Variants in TAF1 observed in about 807,000 individuals in gnomAD.
The protein encoded by TAF1 is TATA-box binding protein associated factor 1, also known as transcription initiation factor TFIID subunit 1.
In TAF1, 2 loss-of-function variants were observed where a neutral mutation model predicts 138.5. The observed-to-expected ratio is 0.01, with a 90% CI of 0.01 to 0.05. The LOEUF is 0.05. TAF1 is among the 10% of genes least tolerant of loss of function. The probability of loss-of-function intolerance (pLI) is 1.00; values close to 1 mark genes in which losing one functional copy is unlikely to be tolerated. For missense variants in TAF1, 709 were observed against 1,478.0 expected (o/e 0.48, Z 8.53); for synonymous variants, 437 against 503.2 (o/e 0.87, Z 1.76).
chrX:71,378,107 T>C, intron 6 of TAF1, 128 bp from the exon 7 acceptor site: 1 of 699,692 alleles, frequency 1.4e-6, no homozygotes, highest in Admixed American at 3.4e-5. Flanking sequence ...CTCCATTGTT[T>C]ACATTCTAAC....
chrX:71,437,535 C>T (rs2037203610), intron 32 of TAF1, among the ~76,000 whole-genome samples: 1 of 107,920 alleles, frequency 9.3e-6, no homozygotes, highest in South Asian at 4.0e-4. Context: ...ATGGTGAAAC[C>T]CCATCTCTAC....
chrX:71,427,877 T>A (rs781083743), intron 32 of TAF1, among the ~76,000 whole-genome samples: 1 of 102,575 alleles, frequency 9.7e-6, no homozygotes, highest in East Asian at 3.1e-4. Flanking sequence ...AGGTAGAGGT[T>A]GCGGTGAGCC....
chrX:71,430,357 C>A (rs1474920061), intron 32 of TAF1, among the ~76,000 whole-genome samples: 3 of 99,662 alleles, frequency 3.0e-5, no homozygotes, highest in East Asian at 6.3e-4. Flanking sequence ...GCACTCCAGC[C>A]TGGGCAACAG....
chrX:71,396,137 A>G (rs2148399734), intron 22 of TAF1, among the ~76,000 whole-genome samples: 1 of 106,894 alleles, frequency 9.4e-6, no homozygotes, highest in Admixed American at 1.0e-4. Context: ...CGACAGAGTG[A>G]AACTCCGTCT....
exon 15 of TAF1, chrX:71,530,097 G>T: frequency 6.3e-6 from 1 of 158,869 alleles, no homozygotes; most frequent in Non-Finnish European, 1.3e-5. Flanking sequence ...TACCAGTGCA[G>T]CTACCAAATA....
intron 32 of TAF1, among the ~76,000 whole-genome samples, chrX:71,447,046 A>G (rs1177010837): frequency 9.0e-6 from 1 of 111,710 alleles, no homozygotes; most frequent in Non-Finnish European, 1.9e-5. Context: ...TGGGATCTGG[A>G]CTATGTGTAG....
At chrX:71,402,609 T>G (rs2035239588) in intron 25 of TAF1, among the ~76,000 whole-genome samples, 1 of 112,246 alleles carries the variant, frequency 8.9e-6, no homozygotes, top group African/African-American at 3.2e-5. Context: ...TACTTGTGTC[T>G]TGCCCTCAGA....
intron 13 of TAF1, among the ~76,000 whole-genome samples, chrX:71,525,985 A>G (rs1252710426): frequency 9.0e-6 from 1 of 111,188 alleles, no homozygotes; most frequent in Non-Finnish European, 1.9e-5. Context: ...TATTTTTTAA[A>G]TGGCAGTATA....
chrX:71,481,017 G>A (rs190992188), intron 13 of TAF1, among the ~76,000 whole-genome samples: 5 of 112,604 alleles, frequency 4.4e-5, no homozygotes, highest in Admixed American at 3.8e-4. Flanking sequence ...GGTGGCTCAC[G>A]CCTGTAATCC....
intron 32 of TAF1, among the ~76,000 whole-genome samples, chrX:71,439,953 A>G (rs927800575): frequency 3.6e-5 from 4 of 111,587 alleles, no homozygotes; most frequent in African/African-American, 1.3e-4. Flanking sequence ...AGTTTTCACC[A>G]TTTTAAAAAT....
In TAF1 at chrX:71,387,274, AC is replaced by A. The variant is rs774312587; in HGVS notation, c.2242del (p.Leu748PhefsTer17). The stretch of plus-strand genomic sequence containing the variant: ...TACTTTTGTTAGGCATTTGAGAACA[AC>A]CTTTTTCGTGCTCCAATTTATCTTC... ...PGQLLQAFEN[N>X]LFRAPIYLHK... On this transcript the variant is annotated frameshift_variant, in exon 15 of 38. Coordinates refer to ENST00000423759, the MANE Select transcript of TAF1 (RefSeq NM_004606.5). LOFTEE classifies it high-confidence loss of function. 8.3e-7 allele frequency: 1 copy of A among 1,210,090 alleles called. No homozygotes were observed. The highest frequency in any genetic ancestry group is 1.7e-5 in the African/African-American group (1 of 57,197).
At chrX:71,515,023 G>A (rs1042898303) in intron 13 of TAF1, among the ~76,000 whole-genome samples, 3 of 111,861 alleles carry the variant, frequency 2.7e-5, no homozygotes, top group African/African-American at 9.7e-5. Context: ...ACCAAATGAT[G>A]CAGAGCCACT....
intron 32 of TAF1, among the ~76,000 whole-genome samples, chrX:71,433,715 G>A (rs892974062): frequency 2.7e-5 from 3 of 111,125 alleles, no homozygotes; most frequent in Middle Eastern, 9.2e-3. Flanking sequence ...CTGGCTCCAA[G>A]TCTTCAACCT....
chrX:71,406,259 G>T (rs1483039662), intron 25 of TAF1, among the ~76,000 whole-genome samples: 1 of 106,959 alleles, frequency 9.3e-6, no homozygotes, highest in African/African-American at 3.4e-5. Flanking sequence ...AACCTGGGAG[G>T]TGGAGGTTGC....
At chrX:71,411,466 G>A (rs1001825391) in intron 28 of TAF1, among the ~76,000 whole-genome samples, 2 of 111,021 alleles carry the variant, frequency 1.8e-5, no homozygotes, top group Non-Finnish European at 3.8e-5. Context: ...GCGAGAGAGC[G>A]AGACTCTGTC....
intron 13 of TAF1, chrX:71,484,793 G>A (rs1400940699): frequency 3.6e-5 from 4 of 112,085 alleles, no homozygotes; most frequent in Non-Finnish European, 5.6e-5. Flanking sequence ...TACAGTAAAG[G>A]TGATGGAGCT....
intron 32 of TAF1, among the ~76,000 whole-genome samples, chrX:71,440,259 T>G (rs1049964160): frequency 8.0e-5 from 9 of 111,941 alleles, no homozygotes; most frequent in African/African-American, 2.6e-4. Context: ...CCATCTAAAT[T>G]GTTGTATCAG....
chrX:71,447,767 G>A (rs1339037601), intron 32 of TAF1, among the ~76,000 whole-genome samples: 2 of 109,412 alleles, frequency 1.8e-5, no homozygotes, highest in African/African-American at 6.7e-5. Context: ...TGTGACTTGC[G>A]TTTCTTCTCA....
intron 3 of TAF1, among the ~76,000 whole-genome samples, chrX:71,370,075 A>G (rs1228293117): frequency 9.0e-6 from 1 of 110,932 alleles, no homozygotes; most frequent in African/African-American, 3.3e-5. Context: ...AAATAAAAAA[A>G]TTAGCTGGAC....
Sources: gnomAD v4.1 joint callset for allele counts (sites outside exome capture counted in the v4.1 genomes callset) on GRCh38, gnomAD v4.1.1 for gene constraint, MANE v1.5 for transcripts, NCBI Gene and HGNC (gene_info 2026-07-23, HGNC 2026-07-21) for gene names.